UNC5D: variants seen among roughly 807,000 people sequenced by gnomAD.
UNC5D encodes netrin receptor UNC5D.
UNC5D carries 39 observed loss-of-function variants against 105.4 expected under a neutral mutation model. The ratio of observed to expected loss-of-function variants is 0.37; its 90% confidence interval spans 0.29 to 0.48. The LOEUF (loss-of-function observed/expected upper bound fraction) is 0.48. UNC5D is among the 20% of genes least tolerant of loss of function. The probability of loss-of-function intolerance (pLI) is 0.98; values close to 1 mark genes in which losing one functional copy is unlikely to be tolerated. For synonymous variants in UNC5D, 452 were observed against 450.4 expected (o/e 1.00, Z -0.04); for missense variants, 991 against 1,202.4 (o/e 0.82, Z 2.60).
At chr8:35,464,125 G>A (rs1323353135) in intron 1 of UNC5D, among the ~76,000 whole-genome samples, 3 of 151,968 alleles carry the variant, frequency 2.0e-5, no homozygotes, top group Non-Finnish European at 2.9e-5. Context: ...TCAGGAGTTC[G>A]AGACCAGCCT....
intron 16 of UNC5D, among the ~76,000 whole-genome samples, chr8:35,777,949 T>C (rs567984898): frequency 2.0e-5 from 3 of 152,298 alleles, no homozygotes; most frequent in African/African-American, 7.2e-5. Context: ...CCACGGGCTC[T>C]AGGTATTTTC....
intron 1 of UNC5D, among the ~76,000 whole-genome samples, chr8:35,483,669 T>C (rs1810641259): frequency 6.6e-6 from 1 of 152,166 alleles, no homozygotes; most frequent in East Asian, 1.9e-4. Flanking sequence ...AGAATTTGTA[T>C]CTCTCAATTT....
intron 4 of UNC5D, among the ~76,000 whole-genome samples, chr8:35,608,703 T>G (rs918516379): frequency 9.8e-5 from 15 of 152,364 alleles, no homozygotes; most frequent in Non-Finnish European, 1.8e-4. Flanking sequence ...GTCTGAGTCA[T>G]TCCATTAACA....
chr8:35,778,704 T>C (rs1007259578), intron 16 of UNC5D, among the ~76,000 whole-genome samples: 6 of 152,210 alleles, frequency 3.9e-5, no homozygotes, highest in African/African-American at 1.4e-4. Context: ...AAAACTACTG[T>C]CCTCAAATCA....
intron 1 of UNC5D, among the ~76,000 whole-genome samples, chr8:35,476,640 C>A (rs1810119131): frequency 6.6e-6 from 1 of 152,112 alleles, no homozygotes; most frequent in Admixed American, 6.6e-5. Flanking sequence ...TATTTCAGAG[C>A]TAAGTTTTCC....
intron 1 of UNC5D, among the ~76,000 whole-genome samples, chr8:35,307,710 A>C (rs1180927722): frequency 2.6e-5 from 4 of 152,140 alleles, no homozygotes; most frequent in Non-Finnish European, 4.4e-5. Flanking sequence ...TTAACCTCGC[A>C]TTTCCACTAG....
intron 3 of UNC5D, among the ~76,000 whole-genome samples, chr8:35,572,927 C>T (rs1016761874): frequency 6.6e-6 from 1 of 151,936 alleles, no homozygotes; most frequent in Non-Finnish European, 1.5e-5. Context: ...CCTCAGCCTC[C>T]CACGCAGCTG....
At chr8:35,773,847 C>A (rs2131737927) in intron 15 of UNC5D, among the ~76,000 whole-genome samples, 1 of 152,236 alleles carries the variant, frequency 6.6e-6, no homozygotes. Flanking sequence ...CTCAGCCTCC[C>A]CAGTAGCTGT....
intron 1 of UNC5D, among the ~76,000 whole-genome samples, chr8:35,487,801 A>G (rs558763159): frequency 6.6e-6 from 1 of 152,348 alleles, no homozygotes; most frequent in East Asian, 1.9e-4. Context: ...TGGACATAAA[A>G]GGAGCTTCTG....
At chr8:35,557,175 A>G (rs983272) in intron 2 of UNC5D, among the ~76,000 whole-genome samples, 34,749 of 152,106 alleles carry the variant, frequency 0.23, 6,119 homozygotes, top group African/African-American at 0.48. Flanking sequence ...TCTTCTTGCT[A>G]TTGTCAGACA....
intron 4 of UNC5D, among the ~76,000 whole-genome samples, chr8:35,649,326 C>A (rs990059578): frequency 1.3e-5 from 2 of 152,152 alleles, no homozygotes; most frequent in East Asian, 3.9e-4. Flanking sequence ...TACTCAGTTG[C>A]CCTGTCCTGA....
At chr8:35,674,690 C>T (rs527549359) in intron 4 of UNC5D, among the ~76,000 whole-genome samples, 2 of 152,224 alleles carry the variant, frequency 1.3e-5, no homozygotes, top group African/African-American at 4.8e-5. Flanking sequence ...CTGGCATGTG[C>T]GAGTCTAAAG....
chr8:35,498,580 T>C (rs1811765748), intron 1 of UNC5D, among the ~76,000 whole-genome samples: 1 of 152,094 alleles, frequency 6.6e-6, no homozygotes. Flanking sequence ...TCCTCCAGTG[T>C]ACTGGGAAGG....
At chr8:35,682,979 T>C (rs16884230) in intron 4 of UNC5D, among the ~76,000 whole-genome samples, 14,613 of 152,194 alleles carry the variant, frequency 0.096, 853 homozygotes, top group East Asian at 0.22. Flanking sequence ...AAGAAACTTA[T>C]CTCAAAATCT....
rs1183270168 is a variant in UNC5D, at chr8:35,791,081, G to A, written c.*518G>A. On this transcript the variant is annotated 3_prime_UTR_variant, in exon 17 of 17. Coordinates refer to ENST00000404895, the MANE Select transcript of UNC5D (RefSeq NM_080872.4). The stretch of plus-strand genomic sequence containing the variant: ...TATGACTTCAACAACGTCAAGGAGG[G>A]CATTTAGAATTTAGAATCTGAGCAC... The A allele has an allele frequency of 1.1e-5, 2 of 176,800 alleles. No individual in the cohort carries two copies. Among genetic ancestry groups the A allele is most frequent in the Non-Finnish European group, 2.5e-5 (2 of 81,422 alleles). The allele number at this position is 176,800 out of a possible 1,614,324, so 11.0% of individuals were successfully genotyped here. A position where few individuals can be genotyped will look rare whatever the true frequency, so the allele number is the denominator to read the frequency against.
intron 4 of UNC5D, among the ~76,000 whole-genome samples, chr8:35,631,509 A>G (rs1005996391): frequency 6.6e-6 from 1 of 152,184 alleles, no homozygotes; most frequent in South Asian, 2.1e-4. Context: ...CTGTTGACCC[A>G]ATTCTCTCAA....
chr8:35,496,842 G>A (rs1811630296), intron 1 of UNC5D, among the ~76,000 whole-genome samples: 1 of 151,978 alleles, frequency 6.6e-6, no homozygotes, highest in Non-Finnish European at 1.5e-5. Flanking sequence ...TGCCTTTTCT[G>A]GACATTTCAT....
intron 4 of UNC5D, among the ~76,000 whole-genome samples, chr8:35,657,400 A>T (rs1029323558): frequency 6.6e-6 from 1 of 151,536 alleles, no homozygotes; most frequent in Admixed American, 6.6e-5. Flanking sequence ...GAATATTGTG[A>T]TCATTATTTT....
chr8:35,747,216 C>T (rs1830053827), intron 11 of UNC5D, among the ~76,000 whole-genome samples: 1 of 152,110 alleles, frequency 6.6e-6, no homozygotes, highest in African/African-American at 2.4e-5. Flanking sequence ...ATAAGATGCT[C>T]CTCAATTATA....
Sources: gnomAD v4.1 joint callset for allele counts (sites outside exome capture counted in the v4.1 genomes callset) on GRCh38, gnomAD v4.1.1 for gene constraint, MANE v1.5 for transcripts, NCBI Gene and HGNC (gene_info 2026-07-23, HGNC 2026-07-21) for gene names.